Variants in AATK observed in about 807,000 individuals in gnomAD.
The protein encoded by AATK is lemur tail kinase 1.
AATK carries 91 observed loss-of-function variants against 114.3 expected under a neutral mutation model. The observed-to-expected ratio is 0.80, with a 90% CI of 0.67 to 0.95. The LOEUF (loss-of-function observed/expected upper bound fraction) is 0.95, where lower values mean the gene tolerates loss of function less well. Ranked by LOEUF, AATK falls within the 40% of genes least tolerant of loss-of-function variation. The pLI, the probability that AATK is intolerant of heterozygous loss-of-function variation, is 0.00. For missense variants in AATK, 2,176 were observed against 1,965.2 expected, an observed-to-expected ratio of 1.11 and a Z score of -2.03; for synonymous variants, 1,075 against 916.5, an observed-to-expected ratio of 1.17 and a Z score of -3.12.
Position 81,126,461 on chromosome 17 carries a change from C to G in AATK, c.721G>C (p.Val241Leu). 2 of 1,559,974 alleles carry G rather than the reference C, an allele frequency of 1.3e-6. No homozygotes were observed. Among genetic ancestry groups the G allele is most frequent in the Non-Finnish European group, 1.7e-6 (2 of 1,152,140 alleles). Reference sequence around the variant, plus strand: ...AAATTGTTGCGATGAAGGTGCAGGACGCCACAGGCCACCTCACAGGCCATG... The same window carrying G: ...AAATTGTTGCGATGAAGGTGCAGGAGGCCACAGGCCACCTCACAGGCCATG... ...QRMACEVACG[V>L]LHLHRNNFVH... is the part of the protein sequence containing the mutation. Residue 241 changes from valine to leucine, a missense_variant, in exon 7 of 14, where the codon GTC becomes CTC. Physicochemically the swap from Val to Leu is conservative, Grantham distance 32. Transcript: ENST00000326724. This position sits in a 1 kb window ranked among gnomAD's most constrained non-coding sequence, Gnocchi z 5.1.
At chr17:81,147,019 G>A (rs985058933) in intron 1 of AATK, among the ~76,000 whole-genome samples, 7 of 137,712 alleles carry the variant, frequency 5.1e-5, no homozygotes, top group Non-Finnish European at 1.1e-4. Context: ...GAACGCCGCA[G>A]ACGGAAAAAG....
At chr17:81,139,641 T>C (rs9895230) in intron 1 of AATK, among the ~76,000 whole-genome samples, 146,383 of 152,214 alleles carry the variant, frequency 0.96, 70,628 homozygotes, top group East Asian at 1. Flanking sequence ...GCAGGCCTTA[T>C]GAGAGCCCAA....
chr17:81,119,632 CGGCCCCGCTCCCACAGTCACGGGCCCA>C (rs1431428181), intron 12 of AATK, 52 bp from the exon 13 acceptor site: 85,303 of 1,486,184 alleles, frequency 0.057, 2,703 homozygotes, highest in Middle Eastern at 0.089. Flanking sequence ...GACCCCGGCC[CGGCCCCGCTCCCACAGTCACGGGCCCA>C]GGCCCCGCCT....
intron 1 of AATK, among the ~76,000 whole-genome samples, chr17:81,147,602 T>C (rs547859351): frequency 6.7e-6 from 1 of 149,606 alleles, no homozygotes. Flanking sequence ...AATAAATAAA[T>C]AAAATTAGCC....
rs114119732 is a variant in AATK, at chr17:81,165,359, G to A, written c.55+579C>T. ...GGTCCCCTGCAGCCAGCTTGACAGC[G>A]TCACCTCGGGCCCCCACTGTCAGGG... On this transcript the variant is annotated intron_variant, in intron 1 of 13. Coordinates refer to ENST00000326724, the MANE Select transcript of AATK (RefSeq NM_001080395.3). 1.5e-3 allele frequency: 375 copies of A among 250,238 alleles called. 1 individual carries two copies. Among genetic ancestry groups the A allele is most frequent in the African/African-American group, 8.0e-3 (353 of 44,394 alleles). The allele number at this position is 250,238 out of a possible 1,614,324, so 15.5% of individuals were successfully genotyped here.
Position 81,120,176 on chromosome 17 carries a change from C to T in AATK, c.3735+25G>A, listed in dbSNP as rs539240235. On this transcript the variant is annotated intron_variant, in intron 11 of 13. Transcript: ENST00000326724. ...CGGGAGCGCGACCCCCAGCCCCGGG[C>T]AGACCCCGGGTGGCGGCGGCCCACC... 1.6e-5 allele frequency: 24 copies of T among 1,545,548 alleles called. No individual in the cohort carries two copies. In the South Asian group the frequency reaches 2.8e-4, roughly 18 times the overall value.
Position 81,120,591 on chromosome 17 carries a change from A to C in AATK, c.3345T>G (p.Ser1115=), listed in dbSNP as rs1338000733. Reference sequence around the variant, plus strand: ...ACAGTCCTGGGGGCCCCTGGAACTCAGAGCTGTTGCCTTCTGATCTCAGCG... The same window carrying C: ...ACAGTCCTGGGGGCCCCTGGAACTCCGAGCTGTTGCCTTCTGATCTCAGCG... ...PVPLRSEGNS[S]EFQGPPGLLS... The change falls in exon 11 of 14, where the codon TCT becomes TCG. Residue 1115 remains serine, a synonymous_variant. Transcript: ENST00000326724. 1.9e-6 allele frequency: 3 copies of C among 1,542,952 alleles called. No homozygotes were observed. The South Asian group carries it at 3.7e-5, about 19-fold the overall frequency.
chr17:81,123,248 T>C lies in AATK; in HGVS notation c.1058A>G (p.Glu353Gly). The change falls in exon 10 of 14, where the codon GAG becomes GGG. Residue 353 changes from glutamate (E) to glycine (G), a missense_variant. Around this residue, in one of 4 missense-constraint regions of AATK, gnomAD observed 273 missense variants for 344.1 expected, o/e 0.79. Coordinates refer to ENST00000326724, the MANE Select transcript of AATK (RefSeq NM_001080395.3). The stretch of plus-strand genomic sequence containing the variant: ...GGGCTTGGGCAGCTTGAGCTGCTGC[T>C]CCCGGACCGTGTACGCCAGCACCTG... ...DQQVLAYTVREQQLKLPKPQL... is the reference protein window; with the variant it reads ...DQQVLAYTVRGQQLKLPKPQL... 1 of 1,411,402 alleles carries C rather than the reference T, an allele frequency of 7.1e-7. No homozygotes were observed. Among genetic ancestry groups the C allele is most frequent in the African/African-American group, 1.5e-5 (1 of 66,262 alleles). 87.4% of individuals were successfully genotyped at this position (1,411,402 alleles called of 1,614,324 possible). A position where few individuals can be genotyped will look rare whatever the true frequency, so the allele number is the denominator to read the frequency against.
intron 1 of AATK, among the ~76,000 whole-genome samples, chr17:81,148,809 C>T (rs1189249029): frequency 6.6e-6 from 1 of 152,148 alleles, no homozygotes; most frequent in African/African-American, 2.4e-5. Context: ...CACACACTCA[C>T]GCGCACACTC....
intron 1 of AATK, among the ~76,000 whole-genome samples, chr17:81,138,712 C>G (rs925641612): frequency 6.6e-6 from 1 of 151,544 alleles, no homozygotes; most frequent in Non-Finnish European, 1.5e-5. Context: ...CAGATACCCA[C>G]ACGCGCAAAC....
In AATK at chr17:81,131,152, G is replaced by C; in HGVS notation, c.243C>G (p.Ser81=). 6.3e-7 allele frequency: 1 copy of C among 1,577,112 alleles called. No individual in the cohort carries two copies. Residue 81 remains serine (S), a synonymous_variant, in exon 3 of 14, where the codon TCC becomes TCG. Coordinates refer to ENST00000326724, the MANE Select transcript of AATK (RefSeq NM_001080395.3). Reference sequence around the variant, plus strand: ...GCCCGTTCTGTGCTGCCGTGGCCGGGGAGCCCTGCGCCAGGTCGGCTGCGT... The same window carrying C: ...GCCCGTTCTGTGCTGCCGTGGCCGGCGAGCCCTGCGCCAGGTCGGCTGCGT... ...DEYAADLAQG[S]PATAAQNGPD...
At chr17:81,118,716 G>A (rs9904824) in intron 13 of AATK, among the ~76,000 whole-genome samples, 132 of 152,372 alleles carry the variant, frequency 8.7e-4, no homozygotes, top group African/African-American at 3.0e-3. Context: ...GTCATGCAGT[G>A]GCCTCCTGGT....
At chr17:81,154,125 G>A (rs1025389070) in intron 1 of AATK, among the ~76,000 whole-genome samples, 1 of 151,928 alleles carries the variant, frequency 6.6e-6, no homozygotes, top group East Asian at 1.9e-4. Flanking sequence ...GAAGATGAAT[G>A]TGAGCGTCTT....
chr17:81,149,331 T>G (rs560197517), intron 1 of AATK, among the ~76,000 whole-genome samples: 5 of 148,334 alleles, frequency 3.4e-5, no homozygotes, highest in African/African-American at 1.2e-4. Context: ...TGCCCTGGAG[T>G]TTCCCAACCA....
At position 81,122,300 on chromosome 17, in the gene AATK, C is replaced by G. The variant is rs62073020; in HGVS notation, c.1636G>C (p.Asp546His). 6,825 of 1,509,064 alleles carry G rather than the reference C, an allele frequency of 4.5e-3. 13 individuals carry two copies. The highest frequency in any genetic ancestry group is 5.2e-3 in the Non-Finnish European group (5,877 of 1,134,848). The allele number at this position is 1,509,064 out of a possible 1,614,324, so 93.5% of individuals were successfully genotyped here. A position where few individuals can be genotyped will look rare whatever the true frequency, so the allele number is the denominator to read the frequency against. The change falls in exon 11 of 14, where the codon GAC becomes CAC. Residue 546 changes from aspartate (D) to histidine (H), a missense_variant. Asp to His is a moderately conservative substitution (Grantham distance 81, BLOSUM62 -1). Transcript: ENST00000326724. ...GGACTGGGGGCGCAGCCGGCGCAGT[C>G]AGGGTCGTGGCCGGCGGCGGGTGCG... ...EAAPAAGHDPDCAGCAPSPPA... is the reference protein window; with the variant it reads ...EAAPAAGHDPHCAGCAPSPPA...
chr17:81,141,768 G>A (rs1194695819), intron 1 of AATK, among the ~76,000 whole-genome samples: 4 of 152,218 alleles, frequency 2.6e-5, no homozygotes, highest in Non-Finnish European at 5.9e-5. Context: ...GGGTGGTGAG[G>A]GTACATCTGC....
chr17:81,119,196 CA>C lies in AATK; in HGVS notation c.4084+183del, dbSNP rs879344355. Among the ~76,000 whole-genome samples, 948 of 138,826 alleles carry C rather than the reference CA, an allele frequency of 6.8e-3. 4 individuals are homozygous for C. Among genetic ancestry groups the C allele is most frequent in the Middle Eastern group, 0.02 (5 of 254 alleles). The allele number at this position is 138,826 out of a possible 152,430, so 91.1% of individuals were successfully genotyped here. ...GGTCAGGTGAGGGTCAGGTGAGGGCCAGGCGAGGGCCAGGCGGGGTCCAGGC... is the reference window on the plus strand; with the variant it reads ...GGTCAGGTGAGGGTCAGGTGAGGGCCGGCGAGGGCCAGGCGGGGTCCAGGC... On this transcript the variant is annotated intron_variant, in intron 13 of 13. Coordinates refer to ENST00000326724, the MANE Select transcript of AATK (RefSeq NM_001080395.3).
rs1417011889 is a variant in AATK, at chr17:81,122,557, G to C, written c.1379C>G (p.Ala460Gly). The C allele has an allele frequency of 2.9e-5, 43 of 1,472,942 alleles. No homozygotes were observed. Among genetic ancestry groups the C allele is most frequent in the Middle Eastern group, 3.5e-4 (2 of 5,644 alleles). The allele number at this position is 1,472,942 out of a possible 1,614,324, so 91.2% of individuals were successfully genotyped here. A position where few individuals can be genotyped will look rare whatever the true frequency, so the allele number is the denominator to read the frequency against. The change falls in exon 11 of 14, where the codon GCG (alanine) becomes GGG (glycine). Residue 460 changes from alanine (A) to glycine (G), a missense_variant. Ala to Gly is a moderately conservative substitution (Grantham distance 60). This residue lies in a region of AATK where 1,701 missense variants were observed against 1,394.7 expected (regional missense o/e 1.22). Transcript: ENST00000326724. ...CACCGTCAGCACGTCGTCGCCGTCCGCGTGGAAGCCGTCGCCCGCGAACTG... is the reference window on the plus strand; with the variant it reads ...CACCGTCAGCACGTCGTCGCCGTCCCCGTGGAAGCCGTCGCCCGCGAACTG... ...LEQFAGDGFH[A>G]DGDDVLTVTE...
chr17:81,127,428 C>T (rs946324427), intron 6 of AATK, among the ~76,000 whole-genome samples, 155 bp downstream of exon 6: 7 of 152,068 alleles, frequency 4.6e-5, no homozygotes, highest in Non-Finnish European at 7.4e-5. Context: ...GTCTCCCCAT[C>T]GCCTCCTCTG....
Sources: allele counts gnomAD v4.1 joint callset (sites outside exome capture counted in the v4.1 genomes callset), GRCh38; gene constraint gnomAD v4.1.1; regional missense constraint gnomAD v4.1.1; non-coding constraint Gnocchi (gnomAD v3.1); transcripts MANE v1.5; gene names NCBI Gene and HGNC (gene_info 2026-07-23, HGNC 2026-07-21).